Variants in FGD3 observed in about 807,000 individuals in gnomAD.
FGD3 encodes the protein FYVE, RhoGEF and PH domain containing 3.
FGD3 carries 45 observed loss-of-function variants against 71.8 expected under a neutral mutation model. The ratio of observed to expected loss-of-function variants is 0.63; its 90% CI spans 0.49 to 0.80. The LOEUF is 0.80. Among genes scored for constraint, FGD3 ranks in the 30% least tolerant of loss-of-function variants. The probability of loss-of-function intolerance (pLI) is 0.00; values close to 1 mark genes in which losing one functional copy is unlikely to be tolerated. For synonymous variants in FGD3, 378 were observed against 392.8 expected (o/e 0.96, Z 0.44); for missense variants, 844 against 951.5 (o/e 0.89, Z 1.49).
intron 16 of FGD3, 99 bp downstream of exon 16, chr9:93,032,972 A>T (rs550353632): frequency 8.5e-6 from 10 of 1,171,034 alleles, no homozygotes; most frequent in Non-Finnish European, 1.3e-5. Flanking sequence ...CTGCTTTCGG[A>T]GTGTCCCTGG....
chr9:93,035,661 C>T lies in FGD3; in HGVS notation c.*72C>T. 1 of 1,506,654 alleles carries T rather than the reference C, an allele frequency of 6.6e-7. No homozygotes were observed. The allele number at this position is 1,506,654 out of a possible 1,614,324, so 93.3% of individuals were successfully genotyped here. The stretch of plus-strand genomic sequence containing the variant: ...GTCCTGGGAGGTGGTGTTGGAGGCC[C>T]CATGAAGAGCGCCCTGGACTGCTGA... On this transcript the variant is annotated 3_prime_UTR_variant, in exon 18 of 18. Transcript: ENST00000375482.
intron 1 of FGD3, among the ~76,000 whole-genome samples, chr9:92,967,168 G>A (rs943859069): frequency 2.0e-5 from 3 of 152,010 alleles, no homozygotes; most frequent in Non-Finnish European, 4.4e-5. Context: ...TTACCATATT[G>A]GTCAGGCTGG....
At chr9:92,985,402 T>C (rs1288690658) in intron 3 of FGD3, among the ~76,000 whole-genome samples, 1 of 152,242 alleles carries the variant, frequency 6.6e-6, no homozygotes, top group East Asian at 1.9e-4. Context: ...AGGCTGACTT[T>C]TGTTATTTCT....
chr9:92,978,124 A>C (rs890311449), intron 3 of FGD3, among the ~76,000 whole-genome samples: 2 of 152,072 alleles, frequency 1.3e-5, no homozygotes, highest in African/African-American at 4.8e-5. Context: ...CTCTACTAAA[A>C]ATACAAAATT....
In FGD3 at chr9:93,035,353, C is replaced by G. The variant is rs552738104; in HGVS notation, c.1942C>G (p.Arg648Gly). The change falls in exon 18 of 18, where the codon CGC (arginine) becomes GGC (glycine). Residue 648 changes from arginine (R) to glycine (G), a missense_variant. By Grantham distance (125) the Arg-to-Gly change is moderately radical (BLOSUM62 -2). Transcript: ENST00000375482. ...QGGSQDGRLP[R>G]TIPLPSCKLS... ...TCTGCTGCAGGACGGCCGGCTGCCCCGCACCATCCCTCTCCCCAGCTGCAA... is the reference window on the plus strand; with the variant it reads ...TCTGCTGCAGGACGGCCGGCTGCCCGGCACCATCCCTCTCCCCAGCTGCAA... 9.3e-6 allele frequency: 15 copies of G among 1,609,832 alleles called. No individual in the cohort carries two copies. The highest frequency in any genetic ancestry group is 4.5e-5 in the East Asian group (2 of 44,768).
intron 14 of FGD3, among the ~76,000 whole-genome samples, chr9:93,022,712 C>T (rs1587866147): frequency 6.6e-6 from 1 of 152,292 alleles, no homozygotes; most frequent in East Asian, 1.9e-4. Context: ...TGAGAATCTT[C>T]TGAGCTCCAA....
In FGD3 at chr9:93,035,452, T is replaced by A. The variant is rs768263531; in HGVS notation, c.2041T>A (p.Trp681Arg). The change falls in exon 18 of 18, where the codon TGG becomes AGG. Residue 681 changes from tryptophan (W) to arginine (R), a missense_variant. Coordinates refer to ENST00000375482, the MANE Select transcript of FGD3 (RefSeq NM_001083536.2). ...GAAGCTGCAGTGGGCCAAGCAGTCC[T>A]GGTACCTGAGCGCCTCCTCCGCAGA... ...VWKLQWAKQS[W>R]YLSASSAELQ... is the part of the protein sequence containing the mutation. 1.2e-6 allele frequency: 2 copies of A among 1,613,340 alleles called. No individual in the cohort carries two copies. The highest frequency in any genetic ancestry group is 2.2e-5 in the East Asian group (1 of 44,870).
Position 93,011,239 on chromosome 9 carries a change from C to T in FGD3, c.1002C>T (p.Ala334=), listed in dbSNP as rs140324424. The change falls in exon 8 of 18, where the codon GCC becomes GCT. Residue 334 remains alanine, a synonymous_variant. Transcript: ENST00000375482. The stretch of plus-strand genomic sequence containing the variant: ...GGTCCTTGGAGCTCATCTCCACAGC[C>T]GCCAACCACTCCAATGCTGCCATTC... ...AERSLELIST[A]ANHSNAAIRK... 3.4e-4 allele frequency: 551 copies of T among 1,614,186 alleles called. No homozygotes were observed. Among genetic ancestry groups the T allele is most frequent in the African/African-American group, 1.1e-3 (79 of 75,060 alleles).
rs532308996 is a variant in FGD3, at chr9:92,997,627, A to G, written c.454-5298A>G. Among the ~76,000 whole-genome samples, 9 of 152,122 alleles carry G rather than the reference A, an allele frequency of 5.9e-5. No individual in the cohort carries two copies. In the South Asian group the frequency reaches 1.9e-3, roughly 32 times the overall value. The stretch of plus-strand genomic sequence containing the variant: ...TGGCTGGTACCGGTTGTTCCTTTCC[A>G]TATTTAGTGCTTCCTTCAGGACCTC... On this transcript the variant is annotated intron_variant, in intron 3 of 17. Coordinates refer to ENST00000375482, the MANE Select transcript of FGD3 (RefSeq NM_001083536.2).
At position 93,035,688 on chromosome 9, in the gene FGD3, G is replaced by A; in HGVS notation, c.*99G>A. The A allele has an allele frequency of 6.8e-7, 1 of 1,462,264 alleles. No homozygotes were observed. Among genetic ancestry groups the A allele is most frequent in the South Asian group, 1.4e-5 (1 of 71,400 alleles). The allele number at this position is 1,462,264 out of a possible 1,614,324, so 90.6% of individuals were successfully genotyped here. A position where few individuals can be genotyped will look rare whatever the true frequency, so the allele number is the denominator to read the frequency against. On this transcript the variant is annotated 3_prime_UTR_variant, in exon 18 of 18. Coordinates refer to ENST00000375482, the MANE Select transcript of FGD3 (RefSeq NM_001083536.2). ...ATGAAGAGCGCCCTGGACTGCTGAG[G>A]GTGGGCCAACAGCCCAGAGCTCAGG...
At chr9:92,988,986 C>T (rs1432207104) in intron 3 of FGD3, among the ~76,000 whole-genome samples, 1 of 152,212 alleles carries the variant, frequency 6.6e-6, no homozygotes, top group Non-Finnish European at 1.5e-5. Flanking sequence ...TTAGGGGTCT[C>T]TGCAAGCACA....
At chr9:93,030,089 T>C in intron 15 of FGD3, 93 bp downstream of exon 15, 3 of 1,475,978 alleles carry the variant, frequency 2.0e-6, no homozygotes, top group Admixed American at 1.9e-5. Flanking sequence ...ACACCAGCCA[T>C]GCACACCAGC....
chr9:93,034,506 G>A (rs751078613), intron 16 of FGD3, 35 bp from the exon 17 acceptor site: 5 of 1,582,018 alleles, frequency 3.2e-6, no homozygotes, highest in Non-Finnish European at 4.3e-6. Context: ...CACTGCAGGG[G>A]AGACTGCCCC....
intron 7 of FGD3, 146 bp from the exon 8 acceptor site, chr9:93,011,068 C>G: frequency 1.3e-6 from 1 of 790,184 alleles, no homozygotes; most frequent in Non-Finnish European, 2.1e-6. Context: ...TCCTCTGGGC[C>G]AGTCCTCTAG....
In FGD3 at chr9:92,969,347, A is replaced by G. The variant is rs1369610275; in HGVS notation, c.-217-5891A>G. On this transcript the variant is annotated intron_variant, in intron 1 of 17. Transcript: ENST00000375482. This position sits in a 1 kb window ranked among gnomAD's most constrained non-coding sequence, Gnocchi z 4.5. ...TGAGGTGCTGGCTTCCAAGTGTGAG[A>G]GCCCAGAGCTGTCTTCCCTCCTGAC... Among the ~76,000 whole-genome samples the G allele has an allele frequency of 6.6e-6, 1 of 152,166 alleles. No homozygotes were observed. The highest frequency in any genetic ancestry group is 1.5e-5 in the Non-Finnish European group (1 of 68,020).
At chr9:92,992,713 A>G (rs533529933) in intron 3 of FGD3, among the ~76,000 whole-genome samples, 3 of 152,282 alleles carry the variant, frequency 2.0e-5, no homozygotes, top group African/African-American at 7.2e-5. Context: ...TGCCTGGAGC[A>G]TTCTGGAGGT....
chr9:92,967,815 C>T (rs1435757869), intron 1 of FGD3, among the ~76,000 whole-genome samples: 5 of 152,140 alleles, frequency 3.3e-5, no homozygotes, highest in South Asian at 2.1e-4. Context: ...CCTCGTGATC[C>T]GCCCGCCTCG....
At chr9:92,963,131 G>A (rs1486022208) in intron 1 of FGD3, among the ~76,000 whole-genome samples, 1 of 151,850 alleles carries the variant, frequency 6.6e-6, no homozygotes, top group Non-Finnish European at 1.5e-5. Context: ...CTTTTGGGAG[G>A]GAGGGGCACA....
intron 15 of FGD3, among the ~76,000 whole-genome samples, chr9:93,031,572 T>C (rs1862357113): frequency 1.3e-5 from 2 of 152,134 alleles, no homozygotes; most frequent in South Asian, 4.1e-4. Context: ...AAAAATAAAA[T>C]GCTCATAAAA....
Sources: gnomAD v4.1 joint callset for allele counts (sites outside exome capture counted in the v4.1 genomes callset) on GRCh38, gnomAD v4.1.1 for gene constraint, Gnocchi (gnomAD v3.1) non-coding constraint, MANE v1.5 for transcripts, NCBI Gene and HGNC (gene_info 2026-07-23, HGNC 2026-07-21) for gene names.